The following APC variants were observed in gnomAD, a reference collection of about 807,000 sequenced individuals.
APC encodes the protein adenomatous polyposis coli protein.
Under a neutral mutation model 247.0 loss-of-function variants are expected in APC, and 72 were observed. The observed-to-expected ratio is 0.29, with a 90% confidence interval of 0.24 to 0.35. The LOEUF is 0.35. APC is among the 10% of genes least tolerant of loss of function. The probability of loss-of-function intolerance (pLI) is 1.00; values close to 1 mark genes in which losing one functional copy is unlikely to be tolerated. For missense variants in APC, 3,400 were observed against 3,360.7 expected (o/e 1.01, Z -0.29); for synonymous variants, 1,254 against 1,162.5 (o/e 1.08, Z -1.60).
In APC at chr5:112,840,037, T is replaced by C. The variant is rs1241257709; in HGVS notation, c.4443T>C (p.Val1481=). The C allele has an allele frequency of 2.5e-6, 4 of 1,614,018 alleles. No individual in the cohort carries two copies. The highest frequency in any genetic ancestry group is 3.4e-6 in the Non-Finnish European group (4 of 1,180,018). The part of the protein sequence containing the change: ...AVNAAVQRVQ[V]LPDADTLLHF... ...ATGCTGCAGTTCAGAGGGTCCAGGTTCTTCCAGATGCTGATACTTTATTAC... is the reference window on the plus strand; with the variant it reads ...ATGCTGCAGTTCAGAGGGTCCAGGTCCTTCCAGATGCTGATACTTTATTAC... Residue 1481 remains valine (V), a synonymous_variant, in exon 16 of 16, where the codon GTT becomes GTC. Coordinates refer to ENST00000257430, the MANE Select transcript of APC (RefSeq NM_000038.6). The surrounding 1 kb of genome is among the most constrained non-coding windows in gnomAD (Gnocchi z 4.1).
At chr5:112,737,421 A>G (rs1334107006), upstream of APC, among the ~76,000 whole-genome samples, 1 of 152,272 alleles carries the variant, frequency 6.6e-6, no homozygotes, top group Non-Finnish European at 1.5e-5. Flanking sequence ...CTATCTAACA[A>G]GTCATCACTC....
chr5:112,833,314 C>G (rs1280415814), intron 14 of APC, among the ~76,000 whole-genome samples: 1 of 151,782 alleles, frequency 6.6e-6, no homozygotes, highest in East Asian at 1.9e-4. Flanking sequence ...TCCCAAGTAG[C>G]TAGGATTACA....
At chr5:112,821,273 G>A (rs1354987189) in intron 10 of APC, among the ~76,000 whole-genome samples, 2 of 152,004 alleles carry the variant, frequency 1.3e-5, no homozygotes, top group African/African-American at 4.8e-5. Context: ...TGGGAGGCCC[G>A]GGCAGGAGCG....
At chr5:112,722,494 C>T (rs1265292911) in intron 1 of APC, among the ~76,000 whole-genome samples, 2 of 152,158 alleles carry the variant, frequency 1.3e-5, no homozygotes, top group Non-Finnish European at 2.9e-5. Flanking sequence ...TCATTTCCCA[C>T]ACTGTCTATC....
At chr5:112,748,961 AG>A (rs758704384) in intron 1 of APC, among the ~76,000 whole-genome samples, 19 of 152,310 alleles carry the variant, frequency 1.2e-4, no homozygotes, top group Non-Finnish European at 2.8e-4. Context: ...CCTAGGTGAC[AG>A]AGTAAAACCC....
At position 112,708,363 on chromosome 5, in the gene APC, C is replaced by G. The variant is rs183966578; in HGVS notation, c.165+481C>G. Among the ~76,000 whole-genome samples the G allele has an allele frequency of 2.2e-3, 329 of 152,298 alleles. 3 individuals carry two copies. The highest frequency in any genetic ancestry group is 3.4e-3 in the Non-Finnish European group (233 of 68,024). On this transcript the variant is annotated intron_variant, in intron 1 of 13. Coordinates refer to the APC transcript ENST00000507379. ...TCACTTTGATGGGAGAATCAAGTCC[C>G]CAGGAGCCTTGGATGGTTAGGTCAG... is the stretch of plus-strand genomic sequence containing the variant.
chr5:112,812,676 CA>C (rs779361081), intron 8 of APC, among the ~76,000 whole-genome samples: 2 of 152,138 alleles, frequency 1.3e-5, no homozygotes, highest in Non-Finnish European at 2.9e-5. Context: ...CCTGTGTGTT[CA>C]TATAGTTTCT....
chr5:112,764,227 C>A, intron 2 of APC, among the ~76,000 whole-genome samples: 1 of 135,618 alleles, frequency 7.4e-6, no homozygotes, highest in Non-Finnish European at 1.5e-5. Context: ...GCCTGGGCGA[C>A]AGAGCGAGAC....
At chr5:112,766,959 G>T (rs1561463361) in intron 3 of APC, among the ~76,000 whole-genome samples, 1 of 152,146 alleles carries the variant, frequency 6.6e-6, no homozygotes, top group African/African-American at 2.4e-5. Context: ...TTATTTAGAG[G>T]AAGTCTAAGG....
At chr5:112,782,252 T>C (rs755153071) in intron 6 of APC, among the ~76,000 whole-genome samples, 30 of 152,096 alleles carry the variant, frequency 2.0e-4, no homozygotes, top group Admixed American at 6.5e-4. Flanking sequence ...CTCGTGAGAA[T>C]TATTTACTAT....
At chr5:112,730,428 TG>T (rs1426224766) in intron 1 of APC, among the ~76,000 whole-genome samples, 1 of 152,258 alleles carries the variant, frequency 6.6e-6, no homozygotes, top group Non-Finnish European at 1.5e-5. Flanking sequence ...GAAGGCGGAC[TG>T]CCATTTCACT....
chr5:112,732,118 A>G (rs1299955207), intron 1 of APC, among the ~76,000 whole-genome samples: 1 of 152,232 alleles, frequency 6.6e-6, no homozygotes, highest in Non-Finnish European at 1.5e-5. Context: ...GTTAATTGCC[A>G]GTACTTATGC....
chr5:112,751,144 A>G (rs896333885), intron 1 of APC, among the ~76,000 whole-genome samples: 1 of 152,126 alleles, frequency 6.6e-6, no homozygotes, highest in African/African-American at 2.4e-5. Flanking sequence ...GAAAAATAGT[A>G]CAGAGAGTTT....
rs1554084570 is a variant in APC at position 112,838,486 on chromosome 5, A to C, written c.2892A>C (p.Leu964Phe). The C allele has an allele frequency of 6.2e-7, 1 of 1,614,238 alleles. No individual in the cohort carries two copies. Among genetic ancestry groups the C allele is most frequent in the Non-Finnish European group, 8.5e-7 (1 of 1,180,038 alleles). Reference protein sequence around the residue: ...LEYKRSSNDSLNSVSSSDGYG... With the variant: ...LEYKRSSNDSFNSVSSSDGYG... The stretch of plus-strand genomic sequence containing the variant: ...ACAAGAGATCTTCAAATGATAGTTT[A>C]AATAGTGTCAGTAGTAGTGATGGTT... Residue 964 changes from leucine (L) to phenylalanine (F), a missense_variant, in exon 16 of 16, where the codon TTA becomes TTC. Transcript: ENST00000257430.
Position 112,768,847 on chromosome 5 carries a change from C to T in APC, c.422+1457C>T, listed in dbSNP as rs951712418. ...CGTAGAACACAGTCCTGTACAGTAG[C>T]GTAGAACACAGTCTTATACAGTAGT... is the stretch of plus-strand genomic sequence containing the variant. On this transcript the variant is annotated intron_variant, in intron 4 of 15. Transcript: ENST00000257430. Among the ~76,000 whole-genome samples the T allele has an allele frequency of 1.4e-4, 20 of 147,356 alleles. No homozygotes were observed. In the South Asian group the frequency reaches 4.1e-3, roughly 30 times the overall value.
intron 1 of APC, among the ~76,000 whole-genome samples, chr5:112,751,176 C>T (rs1445721496): frequency 2.0e-5 from 3 of 151,746 alleles, no homozygotes; most frequent in Non-Finnish European, 4.4e-5. Flanking sequence ...TTACAGATTC[C>T]CCAGATGATT....
rs1245180106 is a variant in APC, at chr5:112,730,262, T to C, written c.165+22380T>C. ...AAGTACCTACTGCTGCAGAGCCAGC[T>C]ACTATATAGTAAGCATCAGAATGAT... On this transcript the variant is annotated intron_variant, in intron 1 of 13. Transcript: ENST00000507379. 2.0e-5 allele frequency among the ~76,000 whole-genome samples: 3 copies of C among 152,236 alleles called. No homozygotes were observed. The East Asian group carries it at 5.8e-4, about 29-fold the overall frequency.
chr5:112,752,959 T>A (rs1355347040), intron 1 of APC, among the ~76,000 whole-genome samples: 1 of 152,214 alleles, frequency 6.6e-6, no homozygotes, highest in Non-Finnish European at 1.5e-5. Context: ...TCTGCTCATC[T>A]TGCCCATCCG....
intron 15 of APC, among the ~76,000 whole-genome samples, chr5:112,836,120 A>T (rs1168803332): frequency 8.6e-6 from 1 of 116,858 alleles, no homozygotes; most frequent in Non-Finnish European, 1.7e-5. Flanking sequence ...TTTGGGGTTC[A>T]AGCGATTCTC....
Sources: allele counts gnomAD v4.1 joint callset (sites outside exome capture counted in the v4.1 genomes callset), GRCh38; gene constraint gnomAD v4.1.1; non-coding constraint Gnocchi (gnomAD v3.1); transcripts MANE v1.5; gene names NCBI Gene and HGNC (gene_info 2026-07-23, HGNC 2026-07-21).